Variants in CAST observed in about 807,000 individuals in gnomAD.
CAST encodes MIR583 host.
Under a neutral mutation model 119.6 loss-of-function variants are expected in CAST, and 76 were observed. The observed-to-expected ratio is 0.64, with a 90% confidence interval of 0.53 to 0.77. The LOEUF (loss-of-function observed/expected upper bound fraction) is 0.77, where lower values mean the gene tolerates loss of function less well. CAST is among the 30% of genes least tolerant of loss of function. The pLI, the probability that CAST is intolerant of heterozygous loss-of-function variation, is 0.00. For synonymous variants in CAST, 319 were observed against 331.6 expected (o/e 0.96, Z 0.41); for missense variants, 953 against 946.5 (o/e 1.01, Z -0.09).
At chr5:96,617,570 A>C (rs564351142) in intron 1 of CAST, among the ~76,000 whole-genome samples, 4 of 152,054 alleles carry the variant, frequency 2.6e-5, no homozygotes, top group African/African-American at 9.6e-5. Context: ...CGGGCGAATC[A>C]CAAGGTCAGG....
the CAST span, among the ~76,000 whole-genome samples, chr5:96,297,908 T>C: frequency 6.6e-6 from 1 of 152,172 alleles, no homozygotes; most frequent in African/African-American, 2.4e-5. Context: ...TAGAAATGAC[T>C]AGAGTTCATC....
At chr5:96,346,620 T>A in the CAST span, among the ~76,000 whole-genome samples, 3 of 152,128 alleles carry the variant, frequency 2.0e-5, no homozygotes, top group Non-Finnish European at 4.4e-5. Flanking sequence ...ATATACTACA[T>A]CCTAAAGCAA....
chr5:96,662,236 G>C (rs1026387095), upstream of CAST: 26 of 608,086 alleles, frequency 4.3e-5, no homozygotes, highest in Non-Finnish European at 4.8e-5. Flanking sequence ...AGGAAGGGGA[G>C]GGCCCATCGG....
the CAST span, among the ~76,000 whole-genome samples, chr5:96,102,719 TG>T: frequency 7.2e-6 from 1 of 139,144 alleles, no homozygotes; most frequent in African/African-American, 2.6e-5. Context: ...CTAGTTTTCT[TG>T]GGGTTTTTTT....
the CAST span, among the ~76,000 whole-genome samples, chr5:96,082,619 G>C: frequency 6.6e-6 from 1 of 152,148 alleles, no homozygotes; most frequent in East Asian, 1.9e-4. Context: ...GAAAAGCAGA[G>C]TGTTCTCTGC....
At chr5:96,462,472 A>C in the CAST span, among the ~76,000 whole-genome samples, 3 of 152,142 alleles carry the variant, frequency 2.0e-5, no homozygotes, top group Non-Finnish European at 4.4e-5. Flanking sequence ...TTAGTAGTAC[A>C]TGCTTTCTTG....
chr5:96,317,724 T>C, the CAST span, among the ~76,000 whole-genome samples: 1 of 152,172 alleles, frequency 6.6e-6, no homozygotes, highest in South Asian at 2.1e-4. Context: ...AGAGAAGCCC[T>C]GACTTGGCAT....
chr5:95,975,368 C>A, the CAST span, among the ~76,000 whole-genome samples: 2 of 152,132 alleles, frequency 1.3e-5, no homozygotes, highest in Non-Finnish European at 2.9e-5. Flanking sequence ...TGGGCCCCAG[C>A]CCTCAGAGGT....
chr5:96,096,780 C>A, the CAST span, among the ~76,000 whole-genome samples: 2 of 152,138 alleles, frequency 1.3e-5, no homozygotes, highest in East Asian at 3.9e-4. Flanking sequence ...TTGGTTGGGT[C>A]CAGCAGATCC....
At chr5:96,365,406 C>T in the CAST span, among the ~76,000 whole-genome samples, 12 of 152,130 alleles carry the variant, frequency 7.9e-5, no homozygotes, top group Non-Finnish European at 1.8e-4. Flanking sequence ...GTTGATCTGT[C>T]TAATGTTGAC....
the CAST span, among the ~76,000 whole-genome samples, chr5:96,224,605 G>A: frequency 6.6e-6 from 1 of 152,110 alleles, no homozygotes; most frequent in Admixed American, 6.5e-5. Flanking sequence ...TTCTCCCCTG[G>A]AGCATCTGGA....
At chr5:96,478,088 C>G in the CAST span, among the ~76,000 whole-genome samples, 1 of 152,150 alleles carries the variant, frequency 6.6e-6, no homozygotes, top group South Asian at 2.1e-4. Context: ...ATATCTTGCT[C>G]TTTTTTAGAT....
chr5:96,212,103 AT>A, the CAST span, among the ~76,000 whole-genome samples: 1 of 151,058 alleles, frequency 6.6e-6, no homozygotes, highest in South Asian at 2.1e-4. Context: ...GATTTTTTGT[AT>A]TGTTTTTCTG....
At chr5:96,045,679 C>G in the CAST span, among the ~76,000 whole-genome samples, 3 of 152,098 alleles carry the variant, frequency 2.0e-5, no homozygotes, top group Non-Finnish European at 4.4e-5. Flanking sequence ...GAGGCAGATA[C>G]TATTATCATC....
the CAST span, among the ~76,000 whole-genome samples, chr5:95,966,815 C>T: frequency 6.6e-6 from 1 of 152,202 alleles, no homozygotes; most frequent in Admixed American, 6.5e-5. Context: ...TAAGAGCAGT[C>T]TCTAGAAAGT....
the CAST span, among the ~76,000 whole-genome samples, chr5:95,971,143 A>G: frequency 2.0e-5 from 3 of 152,226 alleles, no homozygotes; most frequent in Admixed American, 6.5e-5. Context: ...TTGTTTTTAC[A>G]TAGAGGAAGA....
At chr5:96,508,645 G>A in the CAST span, among the ~76,000 whole-genome samples, 1 of 152,114 alleles carries the variant, frequency 6.6e-6, no homozygotes, top group African/African-American at 2.4e-5. Flanking sequence ...TTATTGGCTA[G>A]TACAGGTTAG....
Position 96,750,613 on chromosome 5 carries a change from T to G in CAST, c.1455T>G (p.Pro485=). The G allele has an allele frequency of 1.2e-6, 2 of 1,613,068 alleles. No individual in the cohort carries two copies. Among genetic ancestry groups the G allele is most frequent in the Non-Finnish European group, 1.7e-6 (2 of 1,179,220 alleles). The change falls in exon 20 of 32, where the codon CCT becomes CCG. Residue 485 remains proline, a synonymous_variant. Transcript: ENST00000675179. ...AATCTAAGGCCGCTGCTCCAGCTCC[T>G]GTGTCGGAGGCTGTGTGTCGGACCT... ...TEESKAAAPA[P]VSEAVCRTSM...
chr5:96,012,441 CTTAAT>C, the CAST span, among the ~76,000 whole-genome samples: 3 of 151,936 alleles, frequency 2.0e-5, no homozygotes, highest in African/African-American at 7.3e-5. Flanking sequence ...CCTAACTTTA[CTTAAT>C]TTATCTGAGC....
Sources: gnomAD v4.1 joint callset for allele counts (sites outside exome capture counted in the v4.1 genomes callset) on GRCh38, gnomAD v4.1.1 for gene constraint, MANE v1.5 for transcripts, NCBI Gene and HGNC (gene_info 2026-07-23, HGNC 2026-07-21) for gene names.